ARGLU1: variants seen among roughly 807,000 people sequenced by gnomAD.
The protein encoded by ARGLU1 is arginine and glutamate-rich protein 1.
Under a neutral mutation model 37.6 loss-of-function variants are expected in ARGLU1, and 9 were observed. That is an observed-to-expected ratio of 0.24 (90% CI 0.14 to 0.42). The LOEUF (loss-of-function observed/expected upper bound fraction) is 0.42, where lower values mean the gene tolerates loss of function less well. Ranked by LOEUF, ARGLU1 falls within the 10% of genes least tolerant of loss-of-function variation. The probability of loss-of-function intolerance (pLI) is 1.00; values close to 1 mark genes in which losing one functional copy is unlikely to be tolerated. For missense variants in ARGLU1, 211 were observed against 359.2 expected, an observed-to-expected ratio of 0.59 and a Z score of 3.34; for synonymous variants, 166 against 138.5, an observed-to-expected ratio of 1.20 and a Z score of -1.39.
At chr13:106,564,550 T>C (rs1052625030) in intron 1 of ARGLU1, among the ~76,000 whole-genome samples, 3 of 152,234 alleles carry the variant, frequency 2.0e-5, no homozygotes, top group African/African-American at 7.2e-5. Context: ...CTTGACACTA[T>C]GCATTTTTAC....
intron 3 of ARGLU1, among the ~76,000 whole-genome samples, chr13:106,544,630 C>T (rs1594186682): frequency 2.0e-5 from 3 of 151,956 alleles, no homozygotes; most frequent in East Asian, 1.9e-4. Flanking sequence ...AATTATAAAC[C>T]GAGGTACAGA....
chr13:106,551,342 C>T (rs1042560852), intron 3 of ARGLU1, among the ~76,000 whole-genome samples: 2 of 152,210 alleles, frequency 1.3e-5, no homozygotes, highest in Admixed American at 1.3e-4. Context: ...GTTTTAAGTT[C>T]TGCCTTATAT....
At chr13:106,558,493 T>C (rs9587158) in intron 2 of ARGLU1, 274,425 of 985,064 alleles carry the variant, frequency 0.28, 38,926 homozygotes, top group South Asian at 0.38. Context: ...ATTTCCTACA[T>C]CACACACCAA....
In ARGLU1 at chr13:106,568,063, G is replaced by A. The variant is rs1008126470; in HGVS notation, c.-144C>T. ...GCCAACGGACTTTATGCCTTTTCCC[G>A]GCGTCTACAGCTGCCACGAAGGCCG... On this transcript the variant is annotated 5_prime_UTR_variant, in exon 1 of 4. Transcript: ENST00000400198. 6.9e-6 allele frequency: 9 copies of A among 1,296,860 alleles called. No individual in the cohort carries two copies. The African/African-American group carries it at 1.2e-4, about 18-fold the overall frequency. The allele number at this position is 1,296,860 out of a possible 1,614,324, so 80.3% of individuals were successfully genotyped here.
chr13:106,543,900 T>TA lies in ARGLU1; in HGVS notation c.*95dup, dbSNP rs542476053. 37 of 1,276,332 alleles carry TA rather than the reference T, an allele frequency of 2.9e-5. No homozygotes were observed. The Admixed American group carries it at 5.4e-4, about 19-fold the overall frequency. 79.1% of individuals were successfully genotyped at this position (1,276,332 alleles called of 1,614,324 possible). A position where few individuals can be genotyped will look rare whatever the true frequency, so the allele number is the denominator to read the frequency against. On this transcript the variant is annotated 3_prime_UTR_variant, in exon 4 of 4. Coordinates refer to ENST00000400198, the MANE Select transcript of ARGLU1 (RefSeq NM_018011.4). ...AGCTAACTTTCCAGATTTTACAAAT[T>TA]AAAAAAACAAAAACAAAAACAAAAA...
At chr13:106,562,259 A>G (rs529246575) in intron 1 of ARGLU1, among the ~76,000 whole-genome samples, 1 of 152,330 alleles carries the variant, frequency 6.6e-6, no homozygotes, top group South Asian at 2.1e-4. Context: ...TTTTAAATCA[A>G]ATTTTAGAAA....
rs749072172 is a variant in ARGLU1, at chr13:106,567,926, G to A, written c.-7C>T. Reference sequence around the variant, plus strand: ...GGCTCCGAGACCGGCCCATCCTTCCGGGAGACGCTCTAACCGCTCGCCTCA... The same window carrying A: ...GGCTCCGAGACCGGCCCATCCTTCCAGGAGACGCTCTAACCGCTCGCCTCA... On this transcript the variant is annotated 5_prime_UTR_variant, in exon 1 of 4. Coordinates refer to ENST00000400198, the MANE Select transcript of ARGLU1 (RefSeq NM_018011.4). The surrounding 1 kb of genome is among the most constrained non-coding windows in gnomAD (Gnocchi z 4.3). 3 of 1,604,574 alleles carry A rather than the reference G, an allele frequency of 1.9e-6. No homozygotes were observed. Among genetic ancestry groups the A allele is most frequent in the Admixed American group, 3.4e-5 (2 of 58,934 alleles).
At position 106,567,112 on chromosome 13, in the gene ARGLU1, T is replaced by A. The variant is rs528649589; in HGVS notation, c.347+461A>T. On this transcript the variant is annotated intron_variant, in intron 1 of 3. Transcript: ENST00000400198. The surrounding 1 kb of genome is among the most constrained non-coding windows in gnomAD (Gnocchi z 4.3). ...GTCCTGTCCCAAATTTGAGCTTCAA[T>A]AGAATGCTTCTGGCCAGCTGTGATT... Among the ~76,000 whole-genome samples the A allele has an allele frequency of 1.1e-4, 17 of 152,184 alleles. No individual in the cohort carries two copies. The highest frequency in any genetic ancestry group is 2.0e-4 in the Admixed American group (3 of 15,290).
At chr13:106,554,236 G>A (rs200808012) in intron 3 of ARGLU1, among the ~76,000 whole-genome samples, 1 of 152,012 alleles carries the variant, frequency 6.6e-6, no homozygotes, top group Admixed American at 6.5e-5. Flanking sequence ...TTAATGGCTT[G>A]TCTACTTTTC....
rs1372727669 is a variant in ARGLU1 at position 106,542,519 on chromosome 13, A to T, written c.*1477T>A. The T allele has an allele frequency of 6.6e-6, 1 of 152,118 alleles. No individual in the cohort carries two copies. The highest frequency in any genetic ancestry group is 2.4e-5 in the African/African-American group (1 of 41,456). 9.4% of individuals were successfully genotyped at this position (152,118 alleles called of 1,614,324 possible). A position where few individuals can be genotyped will look rare whatever the true frequency, so the allele number is the denominator to read the frequency against. On this transcript the variant is annotated 3_prime_UTR_variant, in exon 4 of 4. Coordinates refer to ENST00000400198, the MANE Select transcript of ARGLU1 (RefSeq NM_018011.4). ...ATTGTTCCTTACCACAATTAGACTC[A>T]TTGAAGAGCTCAAAACTAAAGCAAC...
In ARGLU1 at chr13:106,557,326, G is replaced by C. The variant is rs1229009774; in HGVS notation, c.574-195C>G. ...CACTAAATTTAAATCATCCCTCCCA[G>C]TCCAAACAGCAACCAACTAAACCCT... On this transcript the variant is annotated intron_variant, in intron 2 of 3. Coordinates refer to ENST00000400198, the MANE Select transcript of ARGLU1 (RefSeq NM_018011.4). This position sits in a 1 kb window ranked among gnomAD's most constrained non-coding sequence, Gnocchi z 5.0. 1.5e-6 allele frequency: 1 copy of C among 645,842 alleles called. No homozygotes were observed. Among genetic ancestry groups the C allele is most frequent in the Non-Finnish European group, 2.5e-6 (1 of 398,148 alleles). 40.0% of individuals were successfully genotyped at this position (645,842 alleles called of 1,614,324 possible).
At chr13:106,551,661 G>C (rs2391343) in intron 3 of ARGLU1, among the ~76,000 whole-genome samples, 45,083 of 152,044 alleles carry the variant, frequency 0.3, 7,702 homozygotes, top group East Asian at 0.7. Context: ...TCACTGGGCT[G>C]AAAGCAAGGT....
chr13:106,557,770 C>A lies in ARGLU1; in HGVS notation c.574-639G>T. On this transcript the variant is annotated intron_variant, in intron 2 of 3. Transcript: ENST00000400198. The surrounding 1 kb of genome is among the most constrained non-coding windows in gnomAD (Gnocchi z 5.0). ...TGTAATTCATCATTCCTAAGGCAAA[C>A]AATTAATAAGAAAAATACATTTACT... 7.7e-7 allele frequency: 1 copy of A among 1,306,182 alleles called. No individual in the cohort carries two copies. The highest frequency in any genetic ancestry group is 9.8e-7 in the Non-Finnish European group (1 of 1,022,790). The allele number at this position is 1,306,182 out of a possible 1,614,324, so 80.9% of individuals were successfully genotyped here. A position where few individuals can be genotyped will look rare whatever the true frequency, so the allele number is the denominator to read the frequency against.
intron 3 of ARGLU1, among the ~76,000 whole-genome samples, chr13:106,549,120 C>G (rs936502300): frequency 6.6e-6 from 1 of 152,226 alleles, no homozygotes; most frequent in Non-Finnish European, 1.5e-5. Flanking sequence ...CATTCTCCTT[C>G]TTAAACTGTC....
chr13:106,548,334 C>A (rs1880447051), intron 3 of ARGLU1, among the ~76,000 whole-genome samples: 1 of 152,188 alleles, frequency 6.6e-6, no homozygotes, highest in Non-Finnish European at 1.5e-5. Flanking sequence ...CCTACCCTCT[C>A]TCTGTAGTAA....
At position 106,542,349 on chromosome 13, in the gene ARGLU1, G is replaced by C. The variant is rs758979119; in HGVS notation, c.*1647C>G. 33 of 150,286 alleles carry C rather than the reference G, an allele frequency of 2.2e-4. No homozygotes were observed. Among genetic ancestry groups the C allele is most frequent in the Non-Finnish European group, 4.1e-4 (28 of 67,634 alleles). 9.3% of individuals were successfully genotyped at this position (150,286 alleles called of 1,614,324 possible). A position where few individuals can be genotyped will look rare whatever the true frequency, so the allele number is the denominator to read the frequency against. On this transcript the variant is annotated 3_prime_UTR_variant, in exon 4 of 4. Transcript: ENST00000400198. ...AATAATTACAGCTAACCTATATTTAGAGATAAAATATTTTTTGGCAACCTA... is the reference window on the plus strand; with the variant it reads ...AATAATTACAGCTAACCTATATTTACAGATAAAATATTTTTTGGCAACCTA...
At chr13:106,550,289 C>T (rs1322864624) in intron 3 of ARGLU1, among the ~76,000 whole-genome samples, 1 of 152,140 alleles carries the variant, frequency 6.6e-6, no homozygotes, top group Non-Finnish European at 1.5e-5. Context: ...TCAGTGGCTT[C>T]GTGTTTCCAA....
chr13:106,553,128 T>G (rs1352141034), intron 3 of ARGLU1, among the ~76,000 whole-genome samples: 1 of 152,204 alleles, frequency 6.6e-6, no homozygotes, highest in African/African-American at 2.4e-5. Flanking sequence ...ATACATTACT[T>G]GTAGCATGTA....
In ARGLU1 at chr13:106,566,230, T is replaced by C. The variant is rs566305807; in HGVS notation, c.347+1343A>G. On this transcript the variant is annotated intron_variant, in intron 1 of 3. Transcript: ENST00000400198. ...GAGTGTTGCATGTGTTTTAAAGGAG[T>C]GTTGGAAGCAAAACAGCTCCAGGTA... 5.3e-5 allele frequency among the ~76,000 whole-genome samples: 8 copies of C among 152,180 alleles called. No individual in the cohort carries two copies. The South Asian group carries it at 1.7e-3, about 32-fold the overall frequency.
Sources: gnomAD v4.1 joint callset for allele counts (sites outside exome capture counted in the v4.1 genomes callset) on GRCh38, gnomAD v4.1.1 for gene constraint, Gnocchi (gnomAD v3.1) non-coding constraint, MANE v1.5 for transcripts, NCBI Gene and HGNC (gene_info 2026-07-23, HGNC 2026-07-21) for gene names.